SRPK1: variants seen among roughly 807,000 people sequenced by gnomAD.
SRPK1 encodes SFRS protein kinase 1.
SRPK1 carries 52 observed loss-of-function variants against 89.5 expected under a neutral mutation model. The observed-to-expected ratio is 0.58, with a 90% CI of 0.46 to 0.73. SRPK1 has a LOEUF of 0.73. Ranked by LOEUF, SRPK1 falls within the 30% of genes least tolerant of loss-of-function variation. The pLI, the probability that SRPK1 is intolerant of heterozygous loss-of-function variation, is 0.00. For synonymous variants in SRPK1, 255 were observed against 270.2 expected, an observed-to-expected ratio of 0.94 and a Z score of 0.55; for missense variants, 603 against 780.6, an observed-to-expected ratio of 0.77 and a Z score of 2.71.
intron 12 of SRPK1, among the ~76,000 whole-genome samples, chr6:35,860,891 G>A (rs1384666018): frequency 6.6e-6 from 1 of 152,020 alleles, no homozygotes; most frequent in Non-Finnish European, 1.5e-5. Flanking sequence ...GTGACATCTG[G>A]GTAAGAACTT....
chr6:35,904,895 T>G (rs1035537304), intron 2 of SRPK1: 34 of 391,186 alleles, frequency 8.7e-5, no homozygotes, highest in Admixed American at 5.3e-4. Context: ...TTCTAGTAAT[T>G]TGGGAGGCCA....
intron 13 of SRPK1, among the ~76,000 whole-genome samples, chr6:35,846,275 AT>A (rs1449445651): frequency 1.3e-5 from 2 of 149,116 alleles, no homozygotes; most frequent in Admixed American, 6.7e-5. Context: ...AAAAAAAAAA[AT>A]CTAAAGATAT....
At chr6:35,885,298 C>CACACACACAGAGAGAGAG (rs1276672274) in intron 6 of SRPK1, among the ~76,000 whole-genome samples, 4 of 113,186 alleles carry the variant, frequency 3.5e-5, no homozygotes, top group African/African-American at 1.5e-4. Context: ...CACACACACA[C>CACACACACAGAGAGAGAG]AGAGAGAGAG....
intron 6 of SRPK1, among the ~76,000 whole-genome samples, chr6:35,882,173 C>A (rs113386119): frequency 2.3e-3 from 333 of 146,434 alleles, no homozygotes; most frequent in East Asian, 5.1e-3. Flanking sequence ...GCAGCAGCAG[C>A]AGAAGAAGAA....
At chr6:35,872,526 C>G in intron 8 of SRPK1, 37 bp downstream of exon 8, 1 of 1,532,710 alleles carries the variant, frequency 6.5e-7, no homozygotes, top group Non-Finnish European at 8.7e-7. Flanking sequence ...TTCTTTTTAA[C>G]TTCTAATGAT....
intron 12 of SRPK1, among the ~76,000 whole-genome samples, chr6:35,859,123 G>A (rs1049008651): frequency 6.6e-6 from 1 of 152,152 alleles, no homozygotes; most frequent in African/African-American, 2.4e-5. Flanking sequence ...TATAAACATG[G>A]TATGATCATG....
At chr6:35,845,074 C>A (rs552015005) in intron 13 of SRPK1, among the ~76,000 whole-genome samples, 4 of 152,078 alleles carry the variant, frequency 2.6e-5, no homozygotes, top group Non-Finnish European at 5.9e-5. Flanking sequence ...CTGTATGATT[C>A]CAACTATTTG....
At chr6:35,841,751 G>T (rs889715557) in intron 14 of SRPK1, among the ~76,000 whole-genome samples, 1 of 143,836 alleles carries the variant, frequency 7.0e-6, no homozygotes, top group Non-Finnish European at 1.5e-5. Flanking sequence ...AGAATCGCTT[G>T]AACGAGGGAA....
intron 4 of SRPK1, 149 bp downstream of exon 4, chr6:35,888,666 C>G: frequency 1.8e-6 from 1 of 561,188 alleles, no homozygotes; most frequent in Non-Finnish European, 3.2e-6. Context: ...AGTGGTTTCT[C>G]CAAGAATACA....
chr6:35,855,730 T>C (rs1381978527), intron 13 of SRPK1, among the ~76,000 whole-genome samples: 2 of 152,140 alleles, frequency 1.3e-5, no homozygotes, highest in South Asian at 2.1e-4. Flanking sequence ...GTGACTCATG[T>C]TGGGGCCCTA....
At chr6:35,855,454 G>A (rs191639900) in intron 13 of SRPK1, among the ~76,000 whole-genome samples, 387 of 152,296 alleles carry the variant, frequency 2.5e-3, no homozygotes, top group Non-Finnish European at 4.0e-3. Context: ...CTTAAAACAG[G>A]TTGGAATTGT....
At chr6:35,885,292 C>T (rs1198212921) in intron 6 of SRPK1, among the ~76,000 whole-genome samples, 1 of 135,228 alleles carries the variant, frequency 7.4e-6, no homozygotes, top group East Asian at 2.1e-4. Context: ...CACACACACA[C>T]ACACACAGAG....
In SRPK1 at chr6:35,833,349, T is replaced by C. The variant is rs1349453675; in HGVS notation, c.*1955A>G. The C allele has an allele frequency of 6.6e-6, 1 of 152,408 alleles. No homozygotes were observed. The highest frequency in any genetic ancestry group is 1.5e-5 in the Non-Finnish European group (1 of 68,048). 9.4% of individuals were successfully genotyped at this position (152,408 alleles called of 1,614,324 possible). A position where few individuals can be genotyped will look rare whatever the true frequency, so the allele number is the denominator to read the frequency against. On this transcript the variant is annotated 3_prime_UTR_variant, in exon 16 of 16. Transcript: ENST00000373825. Reference sequence around the variant, plus strand: ...AGTTACAGGTTCTATTAAAACTTACTGTCACATCAACTGTTAAAATAGGGC... The same window carrying C: ...AGTTACAGGTTCTATTAAAACTTACCGTCACATCAACTGTTAAAATAGGGC...
intron 2 of SRPK1, among the ~76,000 whole-genome samples, chr6:35,896,986 T>C (rs148198275): frequency 1.0e-3 from 157 of 152,354 alleles, no homozygotes; most frequent in African/African-American, 3.6e-3. Context: ...AGATTTTATT[T>C]ACATGAAATG....
chr6:35,905,777 T>C (rs937396675), intron 2 of SRPK1, among the ~76,000 whole-genome samples: 2 of 152,342 alleles, frequency 1.3e-5, no homozygotes, highest in Middle Eastern at 3.4e-3. Flanking sequence ...TGTTGAGAAC[T>C]GGGATTTTCA....
intron 2 of SRPK1, among the ~76,000 whole-genome samples, chr6:35,906,785 T>C (rs1490388397): frequency 6.6e-6 from 1 of 152,106 alleles, no homozygotes; most frequent in East Asian, 1.9e-4. Context: ...AACCACTGAA[T>C]TGCACAGTTA....
At chr6:35,914,224 G>A (rs1268003638) in intron 2 of SRPK1, among the ~76,000 whole-genome samples, 6 of 152,112 alleles carry the variant, frequency 3.9e-5, no homozygotes, top group Non-Finnish European at 5.9e-5. Context: ...TGATCCACAC[G>A]CCTCAGCCTC....
intron 13 of SRPK1, among the ~76,000 whole-genome samples, chr6:35,849,558 T>C (rs1262880522): frequency 6.6e-6 from 1 of 152,210 alleles, no homozygotes; most frequent in Non-Finnish European, 1.5e-5. Flanking sequence ...TGCAGCACTA[T>C]TCACAATAGC....
At chr6:35,883,872 C>A (rs1260613885) in intron 6 of SRPK1, among the ~76,000 whole-genome samples, 1 of 151,830 alleles carries the variant, frequency 6.6e-6, no homozygotes, top group African/African-American at 2.4e-5. Flanking sequence ...GTAGCTGGGA[C>A]TACAGGCGCC....
Sources: allele counts gnomAD v4.1 joint callset (sites outside exome capture counted in the v4.1 genomes callset), GRCh38; gene constraint gnomAD v4.1.1; transcripts MANE v1.5; gene names NCBI Gene and HGNC (gene_info 2026-07-23, HGNC 2026-07-21).